ANKRD30A: variants seen among roughly 807,000 people sequenced by gnomAD.
ANKRD30A encodes the protein ankyrin repeat domain-containing protein 30A.
ANKRD30A carries 170 observed loss-of-function variants against 166.3 expected under a neutral mutation model. The ratio of observed to expected loss-of-function variants is 1.02; its 90% confidence interval spans 0.90 to 1.16. The LOEUF (loss-of-function observed/expected upper bound fraction) is 1.16. Among genes scored for constraint, ANKRD30A ranks in the 50% most tolerant of loss-of-function variants. ANKRD30A has a pLI of 0.00. For missense variants in ANKRD30A, 1,630 were observed against 1,518.0 expected (o/e 1.07, Z -1.23); for synonymous variants, 564 against 508.9 (o/e 1.11, Z -1.46).
chr10:37,231,428 A>AG, intron 34 of ANKRD30A, 33 bp from the exon 35 acceptor site: 1 of 1,572,104 alleles, frequency 6.4e-7, no homozygotes, highest in Non-Finnish European at 8.6e-7. Context: ...AAAAAATAAA[A>AG]TACTAAGCAT....
chr10:37,194,000 G>C (rs1224203003), intron 27 of ANKRD30A, among the ~76,000 whole-genome samples: 1 of 152,120 alleles, frequency 6.6e-6, no homozygotes, highest in African/African-American at 2.4e-5. Context: ...TCCCAGACCA[G>C]CCTGGTCAAA....
Position 37,145,008 on chromosome 10 carries a change from A to T in ANKRD30A, c.1407A>T (p.Pro469=). The T allele has an allele frequency of 3.1e-6, 5 of 1,601,984 alleles. No homozygotes were observed. The highest frequency in any genetic ancestry group is 4.3e-6 in the Non-Finnish European group (5 of 1,173,926). The change falls in exon 8 of 36, where the codon CCA becomes CCT. Residue 469 remains proline (P), a synonymous_variant. Transcript: ENST00000361713. ...TKASANDQRF[P]SESKQEEDEE... The stretch of plus-strand genomic sequence containing the variant: ...AACTTTTTATAGATCAGAGGTTCCC[A>T]TCAGAATCCAAACAAGAGGAAGATG...
In ANKRD30A at chr10:37,217,794, A is replaced by G. The variant is rs1842679218; in HGVS notation, c.3183A>G (p.Lys1061=). The change falls in exon 33 of 36, where the codon AAA becomes AAG. Residue 1061 remains lysine (K), a synonymous_variant. Coordinates refer to ENST00000361713, the MANE Select transcript of ANKRD30A (RefSeq NM_052997.3). The part of the protein sequence containing the change: ...ELGRIEEQHR[K]ELEVKQQLEQ... ...GAAGAATCGAAGAGCAGCATAGGAA[A>G]GAGTTAGAAGTGAAACAACAACTTG... 2.2e-5 allele frequency: 35 copies of G among 1,600,546 alleles called. No individual in the cohort carries two copies. Among genetic ancestry groups the G allele is most frequent in the Non-Finnish European group, 3.0e-5 (35 of 1,172,776 alleles).
intron 31 of ANKRD30A, among the ~76,000 whole-genome samples, chr10:37,207,200 T>A (rs527904831): frequency 3.9e-4 from 60 of 152,282 alleles, no homozygotes; most frequent in Non-Finnish European, 7.5e-4. Context: ...CATTATACTT[T>A]CGTTGATGAG....
chr10:37,229,198 A>G (rs1464559338), intron 34 of ANKRD30A, among the ~76,000 whole-genome samples: 3 of 151,998 alleles, frequency 2.0e-5, no homozygotes, highest in Non-Finnish European at 4.4e-5. Flanking sequence ...GAGATTTGCA[A>G]CATTAGTTTA....
chr10:37,137,586 A>T (rs922990859), intron 6 of ANKRD30A, among the ~76,000 whole-genome samples: 1 of 152,186 alleles, frequency 6.6e-6, no homozygotes, highest in African/African-American at 2.4e-5. Context: ...TATCCCGAGC[A>T]TGGCTCAGAG....
At chr10:37,217,558 C>A in intron 32 of ANKRD30A, 137 bp from the exon 33 acceptor site, 1 of 586,470 alleles carries the variant, frequency 1.7e-6, no homozygotes. Flanking sequence ...TAATAAATAG[C>A]TGAGAACTAG....
Position 37,165,161 on chromosome 10 carries a change from G to C in ANKRD30A, c.2064+6G>C, listed in dbSNP as rs773327257. 1 of 1,602,972 alleles carries C rather than the reference G, an allele frequency of 6.2e-7. No individual in the cohort carries two copies. The highest frequency in any genetic ancestry group is 1.3e-5 in the African/African-American group (1 of 74,784). On this transcript the variant is annotated splice_donor_region_variant and intron_variant, in intron 18 of 35. Transcript: ENST00000361713. Reference sequence around the variant, plus strand: ...AAAATTCTTGGGATACTGAGGTACTGTGTGTTGTTGATTTTTTTAAATATT... The same window carrying C: ...AAAATTCTTGGGATACTGAGGTACTCTGTGTTGTTGATTTTTTTAAATATT...
chr10:37,229,263 G>T (rs911522264), intron 34 of ANKRD30A, among the ~76,000 whole-genome samples: 2 of 151,894 alleles, frequency 1.3e-5, no homozygotes, highest in Non-Finnish European at 1.5e-5. Context: ...CTCCTGTTTT[G>T]AGTGAGGATG....
At chr10:37,232,693 T>TATATATATATATATATATATATATATAA (rs1491500759), downstream of ANKRD30A, 8 of 9,120 alleles carry the variant, frequency 8.8e-4, no homozygotes, top group Non-Finnish European at 1.9e-3. Flanking sequence ...TATATATATA[T>TATATATATATATATATATATATATATAA]AAATAGAGAG....
chr10:37,202,126 G>A (rs1408222333), intron 31 of ANKRD30A, among the ~76,000 whole-genome samples: 1 of 152,018 alleles, frequency 6.6e-6, no homozygotes, highest in African/African-American at 2.4e-5. Flanking sequence ...TGAATAGAAG[G>A]TCAGGACAGA....
At chr10:37,147,652 C>T (rs200047492) in intron 9 of ANKRD30A, among the ~76,000 whole-genome samples, 195 bp downstream of exon 9, 36 of 123,170 alleles carry the variant, frequency 2.9e-4, no homozygotes, top group Non-Finnish European at 4.6e-4. Context: ...AAAAAACAAC[C>T]GAATTATTTG....
At chr10:37,221,996 CATTT>C (rs774997675) in intron 34 of ANKRD30A, among the ~76,000 whole-genome samples, 5 of 151,212 alleles carry the variant, frequency 3.3e-5, no homozygotes, top group Non-Finnish European at 7.4e-5. Flanking sequence ...TAAACATAAA[CATTT>C]AGATCATGTA....
chr10:37,264,115 A>G, the ANKRD30A span, among the ~76,000 whole-genome samples: 1 of 152,184 alleles, frequency 6.6e-6, no homozygotes, highest in Non-Finnish European at 1.5e-5. Flanking sequence ...GAACAGAACA[A>G]TTGAAGTCCC....
the ANKRD30A span, among the ~76,000 whole-genome samples, chr10:37,264,990 C>G: frequency 1.5e-4 from 23 of 152,212 alleles, no homozygotes; most frequent in East Asian, 4.1e-3. Context: ...TTGAGTTGCT[C>G]ATAATCCAGT....
In ANKRD30A at chr10:37,134,007, T is replaced by A; in HGVS notation, c.709T>A (p.Cys237Ser). ...TGTTGACGTCTTTGCTGCAGATATA[T>A]GTGGAGTAACTGCAGAACATTATGC... ...QNVDVFAADI[C>S]GVTAEHYAVT... The change falls in exon 5 of 36, where the codon TGT (cysteine) becomes AGT (serine). Residue 237 changes from cysteine (C) to serine (S), a missense_variant. Physicochemically the swap from Cys to Ser is moderately radical, Grantham distance 112. Coordinates refer to ENST00000361713, the MANE Select transcript of ANKRD30A (RefSeq NM_052997.3). 1 of 1,614,068 alleles carries A rather than the reference T, an allele frequency of 6.2e-7. No homozygotes were observed. The highest frequency in any genetic ancestry group is 8.5e-7 in the Non-Finnish European group (1 of 1,179,944).
At chr10:37,197,971 CGTGTGTGCCT>C (rs1178822214) in intron 29 of ANKRD30A, among the ~76,000 whole-genome samples, 6 of 151,742 alleles carry the variant, frequency 4.0e-5, no homozygotes, top group African/African-American at 2.4e-5. Context: ...TGTGTGTCTG[CGTGTGTGCCT>C]GTGTGTGCCT....
chr10:37,166,871 T>G lies in ANKRD30A; in HGVS notation c.2155+176T>G, dbSNP rs950860992. On this transcript the variant is annotated intron_variant, in intron 19 of 35. Coordinates refer to ENST00000361713, the MANE Select transcript of ANKRD30A (RefSeq NM_052997.3). ...ATCAGGTGATGGCAACAGACTATAT[T>G]GTGAGTGCTGAAGCGGAGCTGAATT... 3.9e-5 allele frequency among the ~76,000 whole-genome samples: 6 copies of G among 152,112 alleles called. No homozygotes were observed. In the East Asian group the frequency reaches 1.2e-3, roughly 29 times the overall value.
intron 2 of ANKRD30A, 72 bp downstream of exon 2, chr10:37,130,079 T>A: frequency 8.2e-7 from 1 of 1,226,710 alleles, no homozygotes; most frequent in Non-Finnish European, 1.1e-6. Context: ...TGAATTTATC[T>A]CATTGAAATA....
Sources: allele counts gnomAD v4.1 joint callset (sites outside exome capture counted in the v4.1 genomes callset), GRCh38; gene constraint gnomAD v4.1.1; transcripts MANE v1.5; gene names NCBI Gene and HGNC (gene_info 2026-07-23, HGNC 2026-07-21).